KCNQ1: variants seen among roughly 807,000 people sequenced by gnomAD.
KCNQ1 encodes the protein potassium voltage-gated channel subfamily Q member 1.
A neutral mutation model predicts 72.4 loss-of-function variants in KCNQ1; 49 were observed. That is an observed-to-expected ratio of 0.68 (90% confidence interval 0.54 to 0.86). The LOEUF is 0.86. KCNQ1 is among the 40% of genes least tolerant of loss of function. KCNQ1 has a pLI of 0.00. For missense variants in KCNQ1, 790 were observed against 945.1 expected (o/e 0.84, Z 2.15); for synonymous variants, 450 against 412.6 (o/e 1.09, Z -1.10).
In KCNQ1 at chr11:2,491,464, A is replaced by G. The variant is rs564259816; in HGVS notation, c.387-36464A>G. Among the ~76,000 whole-genome samples the G allele has an allele frequency of 1.3e-5, 2 of 152,218 alleles. No individual in the cohort carries two copies. Among genetic ancestry groups the G allele is most frequent in the African/African-American group, 2.4e-5 (1 of 41,460 alleles). On this transcript the variant is annotated intron_variant, in intron 1 of 15. Coordinates refer to ENST00000155840, the MANE Select transcript of KCNQ1 (RefSeq NM_000218.3). The surrounding 1 kb of genome is among the most constrained non-coding windows in gnomAD (Gnocchi z 4.1). Reference sequence around the variant, plus strand: ...CTGACATATTGAAGAATGTATCAGAATCTCTTGATAACAGCATTGATCAAG... The same window carrying G: ...CTGACATATTGAAGAATGTATCAGAGTCTCTTGATAACAGCATTGATCAAG...
chr11:2,759,317 T>G lies in KCNQ1; in HGVS notation c.1515-9527T>G, dbSNP rs1846352794. ...GGGATGTGACGTAGAGTGACTTCAG[T>G]TTCCCTCTTCATGTCTCCTGGGTCC... On this transcript the variant is annotated intron_variant, in intron 11 of 15. Coordinates refer to ENST00000155840, the MANE Select transcript of KCNQ1 (RefSeq NM_000218.3). The surrounding 1 kb of genome is among the most constrained non-coding windows in gnomAD (Gnocchi z 4.4). Among the ~76,000 whole-genome samples, 1 of 152,092 alleles carries G rather than the reference T, an allele frequency of 6.6e-6. No individual in the cohort carries two copies. The highest frequency in any genetic ancestry group is 1.5e-5 in the Non-Finnish European group (1 of 67,996).
chr11:2,693,926 G>A (rs533510329), intron 11 of KCNQ1: 5 of 398,764 alleles, frequency 1.3e-5, no homozygotes, highest in African/African-American at 1.0e-4. Context: ...CCTGGATCCG[G>A]TATCCGCTGA....
intron 15 of KCNQ1, among the ~76,000 whole-genome samples, chr11:2,792,939 C>G (rs1847058801): frequency 6.6e-6 from 1 of 151,832 alleles, no homozygotes; most frequent in Admixed American, 6.5e-5. Context: ...GCACAGCACC[C>G]CCTCTCTTCC....
rs529363959 is a variant in KCNQ1 at position 2,468,879 on chromosome 11, G to C, written c.386+23395G>C. ...AGCTGGAGTCTCTGTGCGAGCAAATGCTTTTGCTTCTCTTGTGCAAGCAAG... is the reference window on the plus strand; with the variant it reads ...AGCTGGAGTCTCTGTGCGAGCAAATCCTTTTGCTTCTCTTGTGCAAGCAAG... On this transcript the variant is annotated intron_variant, in intron 1 of 15. Coordinates refer to ENST00000155840, the MANE Select transcript of KCNQ1 (RefSeq NM_000218.3). This position sits in a 1 kb window ranked among gnomAD's most constrained non-coding sequence, Gnocchi z 5.7. Among the ~76,000 whole-genome samples, 1 of 152,164 alleles carries C rather than the reference G, an allele frequency of 6.6e-6. No homozygotes were observed. The highest frequency in any genetic ancestry group is 1.5e-5 in the Non-Finnish European group (1 of 68,034).
At chr11:2,594,795 G>A (rs1185999566) in intron 10 of KCNQ1, among the ~76,000 whole-genome samples, 1 of 151,868 alleles carries the variant, frequency 6.6e-6, no homozygotes, top group East Asian at 1.9e-4. Context: ...TAATCTTTAG[G>A]TCATTTGAAC....
intron 1 of KCNQ1, among the ~76,000 whole-genome samples, chr11:2,448,759 T>C (rs1846079860): frequency 6.6e-6 from 1 of 152,210 alleles, no homozygotes; most frequent in South Asian, 2.1e-4. Context: ...AGTGCTACCT[T>C]CTGTGGGGCA....
rs187810307 is a variant in KCNQ1, at chr11:2,475,403, T to C, written c.386+29919T>C. Among the ~76,000 whole-genome samples the C allele has an allele frequency of 6.6e-6, 1 of 152,318 alleles. No individual in the cohort carries two copies. The highest frequency in any genetic ancestry group is 1.9e-4 in the East Asian group (1 of 5,188). ...GCCTTTGGCTGTTGTGGCTAGAGGC[T>C]CCTTCCTGAAAGCCTGATACTTAGA... On this transcript the variant is annotated intron_variant, in intron 1 of 15. Transcript: ENST00000155840. This position sits in a 1 kb window ranked among gnomAD's most constrained non-coding sequence, Gnocchi z 5.8.
At chr11:2,756,994 A>G (rs1846314412) in intron 11 of KCNQ1, among the ~76,000 whole-genome samples, 2 of 146,038 alleles carry the variant, frequency 1.4e-5, no homozygotes, top group African/African-American at 2.5e-5. Flanking sequence ...CACAGCTAAC[A>G]TCACATCACA....
Position 2,711,673 on chromosome 11 carries a change from A to G in KCNQ1, c.1514+49592A>G, listed in dbSNP as rs1851009376. On this transcript the variant is annotated intron_variant, in intron 11 of 15. Coordinates refer to ENST00000155840, the MANE Select transcript of KCNQ1 (RefSeq NM_000218.3). This position sits in a 1 kb window ranked among gnomAD's most constrained non-coding sequence, Gnocchi z 5.4. ...TGGAGCTATTTCCCAGTCAGACCTC[A>G]CAATCGGTAAACTGTGCTTAAACTA... Among the ~76,000 whole-genome samples, 1 of 152,204 alleles carries G rather than the reference A, an allele frequency of 6.6e-6. No individual in the cohort carries two copies. Among genetic ancestry groups the G allele is most frequent in the Admixed American group, 6.5e-5 (1 of 15,286 alleles).
At chr11:2,773,910 G>A (rs1357501848) in intron 12 of KCNQ1, among the ~76,000 whole-genome samples, 1 of 151,706 alleles carries the variant, frequency 6.6e-6, no homozygotes, top group Non-Finnish European at 1.5e-5. Context: ...TTGAGGCTCA[G>A]CATCCCATCT....
intron 6 of KCNQ1, among the ~76,000 whole-genome samples, chr11:2,573,843 G>A (rs1295671070): frequency 1.3e-5 from 2 of 152,070 alleles, no homozygotes; most frequent in Non-Finnish European, 2.9e-5. Flanking sequence ...GAGATGTTCC[G>A]ATGAGGATGC....
Position 2,651,824 on chromosome 11 carries a change from CAGG to C in KCNQ1, c.1394-10135_1394-10133del. 1 of 398,630 alleles carries C rather than the reference CAGG, an allele frequency of 2.5e-6. No homozygotes were observed. The highest frequency in any genetic ancestry group is 4.4e-6 in the Non-Finnish European group (1 of 226,090). The allele number at this position is 398,630 out of a possible 1,614,324, so 24.7% of individuals were successfully genotyped here. On this transcript the variant is annotated intron_variant, in intron 10 of 15. Transcript: ENST00000155840. The surrounding 1 kb of genome is among the most constrained non-coding windows in gnomAD (Gnocchi z 6.1). ...TCCATTAGCATTGGAATGGAGCCCACAGGACCATACCAGACAGATGCCACCACA... is the reference window on the plus strand; with the variant it reads ...TCCATTAGCATTGGAATGGAGCCCACACCATACCAGACAGATGCCACCACA...
intron 10 of KCNQ1, chr11:2,637,026 G>T (rs974583474): frequency 2.0e-5 from 3 of 152,094 alleles, no homozygotes; most frequent in African/African-American, 7.2e-5. Context: ...GGGATCGGTG[G>T]TGATATCCCC....
In KCNQ1 at chr11:2,629,544, C is replaced by T. The variant is rs777989828; in HGVS notation, c.1394-32417C>T. The T allele has an allele frequency of 3.5e-5, 14 of 398,250 alleles. No homozygotes were observed. The highest frequency in any genetic ancestry group is 1.0e-4 in the African/African-American group (5 of 48,594). The allele number at this position is 398,250 out of a possible 1,614,324, so 24.7% of individuals were successfully genotyped here. A position where few individuals can be genotyped will look rare whatever the true frequency, so the allele number is the denominator to read the frequency against. ...TAAAGGTCTCGACTTCATTCTCTCACGTGAGGATATCCAGTTTTCCTGGCA... is the reference window on the plus strand; with the variant it reads ...TAAAGGTCTCGACTTCATTCTCTCATGTGAGGATATCCAGTTTTCCTGGCA... On this transcript the variant is annotated intron_variant, in intron 10 of 15. Transcript: ENST00000155840.
rs1368230863 is a variant in KCNQ1, at chr11:2,509,762, T to G, written c.387-18166T>G. 3.4e-5 allele frequency among the ~76,000 whole-genome samples: 5 copies of G among 146,984 alleles called. No individual in the cohort carries two copies. Among genetic ancestry groups the G allele is most frequent in the African/African-American group, 7.6e-5 (3 of 39,282 alleles). ...GAAAGAAAAGAGGGGCTTCCGGGGG[T>G]GGGGAGCGGGGCTGGGCGGCTGCTG... On this transcript the variant is annotated intron_variant, in intron 1 of 15. Transcript: ENST00000155840. The surrounding 1 kb of genome is among the most constrained non-coding windows in gnomAD (Gnocchi z 6.3).
rs1589969540 is a variant in KCNQ1 at position 2,588,819 on chromosome 11, T to C, written c.1358T>C (p.Leu453Pro). ...TGCGACCCCCCAGAAGAGCGGCGGC[T>C]GGACCACTTCTCTGTCGACGGCTAT... ...ITCDPPEERR[L>P]DHFSVDGYDS... Residue 453 changes from leucine to proline, a missense_variant, in exon 10 of 16, where the codon CTG (leucine) becomes CCG (proline). Physicochemically the swap from Leu to Pro is moderately conservative, Grantham distance 98. Coordinates refer to ENST00000155840, the MANE Select transcript of KCNQ1 (RefSeq NM_000218.3). This position sits in a 1 kb window ranked among gnomAD's most constrained non-coding sequence, Gnocchi z 5.6. The C allele has an allele frequency of 6.2e-7, 1 of 1,612,868 alleles. No homozygotes were observed. Among genetic ancestry groups the C allele is most frequent in the Non-Finnish European group, 8.5e-7 (1 of 1,179,874 alleles).
chr11:2,503,307 C>G (rs1847046556), intron 1 of KCNQ1, among the ~76,000 whole-genome samples: 1 of 152,152 alleles, frequency 6.6e-6, no homozygotes, highest in Non-Finnish European at 1.5e-5. Context: ...ATGTAAGGAG[C>G]TCAAACAACC....
At chr11:2,591,635 G>T (rs1194680874) in intron 10 of KCNQ1, among the ~76,000 whole-genome samples, 5 of 152,262 alleles carry the variant, frequency 3.3e-5, no homozygotes, top group Admixed American at 3.3e-4. Flanking sequence ...TGAATGCGGG[G>T]CAGCCCGAAT....
At position 2,567,483 on chromosome 11, in the gene KCNQ1, G is replaced by C. The variant is rs1410507512; in HGVS notation, c.478-3145G>C. 2.0e-5 allele frequency among the ~76,000 whole-genome samples: 3 copies of C among 152,178 alleles called. No homozygotes were observed. The highest frequency in any genetic ancestry group is 2.9e-5 in the Non-Finnish European group (2 of 68,020). On this transcript the variant is annotated intron_variant, in intron 2 of 15. Coordinates refer to ENST00000155840, the MANE Select transcript of KCNQ1 (RefSeq NM_000218.3). This position sits in a 1 kb window ranked among gnomAD's most constrained non-coding sequence, Gnocchi z 6.6. ...CTGAGTGTGAGCTCCCTGGGGTCTTGCTGTGGCCTTGGCCCTGGGTGTTGT... is the reference window on the plus strand; with the variant it reads ...CTGAGTGTGAGCTCCCTGGGGTCTTCCTGTGGCCTTGGCCCTGGGTGTTGT...
Sources: gnomAD v4.1 joint callset for allele counts (sites outside exome capture counted in the v4.1 genomes callset) on GRCh38, gnomAD v4.1.1 for gene constraint, Gnocchi (gnomAD v3.1) non-coding constraint, MANE v1.5 for transcripts, NCBI Gene and HGNC (gene_info 2026-07-23, HGNC 2026-07-21) for gene names.